The following HTR1F variants were observed in gnomAD, a reference collection of about 807,000 sequenced individuals.
The protein encoded by HTR1F is 5-hydroxytryptamine (serotonin) receptor 1F, G protein-coupled.
In HTR1F, 17 loss-of-function variants were observed where a neutral mutation model predicts 24.0. The observed-to-expected ratio is 0.71, with a 90% CI of 0.48 to 1.06. The LOEUF is 1.06. Among genes scored for constraint, HTR1F ranks in the 50% least tolerant of loss-of-function variants. HTR1F has a pLI of 0.00. For synonymous variants in HTR1F, 186 were observed against 156.8 expected, an observed-to-expected ratio of 1.19 and a Z score of -1.39; for missense variants, 391 against 427.8, an observed-to-expected ratio of 0.91 and a Z score of 0.76.
chr3:87,824,451 TC>T (rs1408110376), intron 2 of HTR1F, among the ~76,000 whole-genome samples: 20 of 152,226 alleles, frequency 1.3e-4, no homozygotes, highest in Admixed American at 1.3e-3. Context: ...TAGTGCATTA[TC>T]CCTCCTATAA....
chr3:87,913,182 C>G (rs1221234232), intron 2 of HTR1F, among the ~76,000 whole-genome samples: 1 of 152,032 alleles, frequency 6.6e-6, no homozygotes, highest in African/African-American at 2.4e-5. Flanking sequence ...TTTTTGCACA[C>G]CATGCATCTG....
At chr3:87,983,207 G>C (rs1254113385) in intron 2 of HTR1F, among the ~76,000 whole-genome samples, 1 of 152,094 alleles carries the variant, frequency 6.6e-6, no homozygotes, top group Non-Finnish European at 1.5e-5. Context: ...AAAGTTAAGT[G>C]TACAAATCTG....
intron 2 of HTR1F, among the ~76,000 whole-genome samples, chr3:87,969,764 G>A (rs1479877590): frequency 6.6e-6 from 1 of 152,136 alleles, no homozygotes; most frequent in Admixed American, 6.5e-5. Flanking sequence ...GGAGGGGCCA[G>A]GGTGGAATAA....
intron 2 of HTR1F, among the ~76,000 whole-genome samples, chr3:87,870,486 T>A (rs1705530669): frequency 6.6e-6 from 1 of 152,116 alleles, no homozygotes; most frequent in African/African-American, 2.4e-5. Context: ...GAAAAGCTAC[T>A]GTATTTCATT....
chr3:87,943,464 T>C (rs1704618980), intron 2 of HTR1F, among the ~76,000 whole-genome samples: 1 of 151,982 alleles, frequency 6.6e-6, no homozygotes, highest in African/African-American at 2.4e-5. Context: ...CAAATTCTCC[T>C]CTCTCACTGC....
At chr3:87,856,445 C>A (rs376851336) in intron 2 of HTR1F, among the ~76,000 whole-genome samples, 1 of 149,540 alleles carries the variant, frequency 6.7e-6, no homozygotes, top group Non-Finnish European at 1.5e-5. Flanking sequence ...TAAAAATGGT[C>A]TATTTATTTT....
intron 1 of HTR1F, among the ~76,000 whole-genome samples, chr3:87,816,314 C>T (rs891497916): frequency 2.0e-5 from 3 of 152,116 alleles, no homozygotes; most frequent in African/African-American, 7.2e-5. Context: ...GCTCTTCTGA[C>T]TTTTTTTACA....
chr3:87,843,352 T>A (rs1470884505), intron 2 of HTR1F, among the ~76,000 whole-genome samples: 2 of 151,818 alleles, frequency 1.3e-5, no homozygotes, highest in Non-Finnish European at 2.9e-5. Context: ...TCTAAGATAT[T>A]AAATGTGAGC....
chr3:87,858,823 T>C (rs1349472824), intron 2 of HTR1F, among the ~76,000 whole-genome samples: 4 of 152,184 alleles, frequency 2.6e-5, no homozygotes, highest in Non-Finnish European at 4.4e-5. Flanking sequence ...TTCTAGTTCC[T>C]TTACAAATCC....
intron 2 of HTR1F, among the ~76,000 whole-genome samples, chr3:87,888,396 A>G (rs1306987438): frequency 6.6e-6 from 1 of 152,190 alleles, no homozygotes; most frequent in Non-Finnish European, 1.5e-5. Flanking sequence ...GCAGAAAATC[A>G]ACATGGCACA....
rs1360492315 is a variant in HTR1F, at chr3:87,898,517, A to G, written c.-43+76393A>G. Among the ~76,000 whole-genome samples, 14 of 152,304 alleles carry G rather than the reference A, an allele frequency of 9.2e-5. No homozygotes were observed. In the East Asian group the frequency reaches 1.9e-3, roughly 21 times the overall value. On this transcript the variant is annotated intron_variant, in intron 2 of 2. Transcript: ENST00000319595. ...TCAACAGATTAGCTATTAATAAGAT[A>G]AAGGTATAATGTTACTGTAATATGA... is the stretch of plus-strand genomic sequence containing the variant.
chr3:87,878,462 T>A (rs1482681913), intron 2 of HTR1F, among the ~76,000 whole-genome samples: 1 of 152,190 alleles, frequency 6.6e-6, no homozygotes, highest in East Asian at 1.9e-4. Context: ...AAAGAGAATT[T>A]CTGCCTATCT....
chr3:87,891,240 T>C (rs1646731885), intron 2 of HTR1F, among the ~76,000 whole-genome samples: 1 of 152,194 alleles, frequency 6.6e-6, no homozygotes, highest in African/African-American at 2.4e-5. Flanking sequence ...TTAAATTCTT[T>C]TCAAATCTTC....
At chr3:87,936,860 C>T (rs779781201) in intron 2 of HTR1F, among the ~76,000 whole-genome samples, 3 of 151,706 alleles carry the variant, frequency 2.0e-5, no homozygotes, top group African/African-American at 7.3e-5. Context: ...TCTATGCACA[C>T]AAACTAGAAA....
chr3:87,992,305 T>C lies in HTR1F; in HGVS notation c.*455T>C, dbSNP rs547937943. On this transcript the variant is annotated 3_prime_UTR_variant, in exon 3 of 3. Transcript: ENST00000319595. ...CACCACAAAGTACACATTTCTCCTG[T>C]CTCCATTCTTGTCCCTTCTCCATCT... 2 of 167,256 alleles carry C rather than the reference T, an allele frequency of 1.2e-5. No homozygotes were observed. The highest frequency in any genetic ancestry group is 4.1e-4 in the South Asian group (2 of 4,834). The allele number at this position is 167,256 out of a possible 1,614,324, so 10.4% of individuals were successfully genotyped here. A position where few individuals can be genotyped will look rare whatever the true frequency, so the allele number is the denominator to read the frequency against.
chr3:87,937,083 C>CAAAAAA lies in HTR1F; in HGVS notation c.-42-53613_-42-53608dup, dbSNP rs35169317. Among the ~76,000 whole-genome samples the CAAAAAA allele has an allele frequency of 5.4e-4, 62 of 113,860 alleles. 1 individual carries two copies. Among genetic ancestry groups the CAAAAAA allele is most frequent in the African/African-American group, 7.5e-4 (23 of 30,744 alleles). 74.7% of individuals were successfully genotyped at this position (113,860 alleles called of 152,430 possible). A position where few individuals can be genotyped will look rare whatever the true frequency, so the allele number is the denominator to read the frequency against. ...TGGTACCATCCCTGTTGAAACTACC[C>CAAAAAA]AAAAAAAAAAAAAAAAAGAGGACGG... On this transcript the variant is annotated intron_variant, in intron 2 of 2. Coordinates refer to ENST00000319595, the MANE Select transcript of HTR1F (RefSeq NM_001322209.2).
intron 2 of HTR1F, among the ~76,000 whole-genome samples, chr3:87,919,058 C>T (rs1312838010): frequency 6.6e-6 from 1 of 151,792 alleles, no homozygotes; most frequent in South Asian, 2.1e-4. Flanking sequence ...ACAGAGAACA[C>T]AAATAAACTC....
intron 2 of HTR1F, among the ~76,000 whole-genome samples, chr3:87,965,755 A>G (rs1341157506): frequency 6.6e-6 from 1 of 152,218 alleles, no homozygotes; most frequent in African/African-American, 2.4e-5. Context: ...TAGCTTACAC[A>G]ATACAAAATT....
chr3:87,980,717 TC>T lies in HTR1F; in HGVS notation c.-42-9985del, dbSNP rs376954706. Among the ~76,000 whole-genome samples, 46 of 151,996 alleles carry T rather than the reference TC, an allele frequency of 3.0e-4. No homozygotes were observed. The East Asian group carries it at 3.7e-3, about 12-fold the overall frequency. On this transcript the variant is annotated intron_variant, in intron 2 of 2. Transcript: ENST00000319595. ...CAGGCCTGCACCTAGCTGCCCTCAGTCCCCCCTCGGCCTCTCTCCCATTCTT... is the reference window on the plus strand; with the variant it reads ...CAGGCCTGCACCTAGCTGCCCTCAGTCCCCCTCGGCCTCTCTCCCATTCTT...
Sources: allele counts gnomAD v4.1 joint callset (sites outside exome capture counted in the v4.1 genomes callset), GRCh38; gene constraint gnomAD v4.1.1; transcripts MANE v1.5; gene names NCBI Gene and HGNC (gene_info 2026-07-23, HGNC 2026-07-21).